ABCA13: variants seen among roughly 807,000 people sequenced by gnomAD.
ABCA13 encodes the protein ATP-binding cassette sub-family A member 13.
A neutral mutation model predicts 478.7 loss-of-function variants in ABCA13; 476 were observed. The observed-to-expected ratio is 0.99, with a 90% CI of 0.92 to 1.07. The LOEUF (loss-of-function observed/expected upper bound fraction) is 1.07, where lower values mean the gene tolerates loss of function less well. Ranked by LOEUF, ABCA13 falls within the 50% of genes least tolerant of loss-of-function variation. The probability of loss-of-function intolerance (pLI) is 0.00; values close to 1 mark genes in which losing one functional copy is unlikely to be tolerated. For synonymous variants in ABCA13, 2,252 were observed against 2,158.9 expected, an observed-to-expected ratio of 1.04 and a Z score of -1.20; for missense variants, 6,060 against 5,910.6, an observed-to-expected ratio of 1.03 and a Z score of -0.83.
At chr7:48,271,347 A>T in intron 16 of ABCA13, among the ~76,000 whole-genome samples, 1 of 68,722 alleles carries the variant, frequency 1.5e-5, no homozygotes, top group East Asian at 8.1e-3. Context: ...AGAGCACTGG[A>T]ATTTGCCTTC....
chr7:48,240,655 A>G (rs1466063666), intron 9 of ABCA13, among the ~76,000 whole-genome samples: 2 of 152,204 alleles, frequency 1.3e-5, no homozygotes, highest in African/African-American at 4.8e-5. Context: ...CAGAGATTAT[A>G]AAGTTGTGTG....
rs919090230 is a variant in ABCA13, at chr7:48,429,205, G to A, written c.12565+1334G>A. On this transcript the variant is annotated intron_variant, in intron 42 of 61. Transcript: ENST00000435803. ...CATTCACCAGTTGATGGGCATTTGG[G>A]GTTGTTTCCAGTTTTTTACTATTGC... 1.8e-4 allele frequency among the ~76,000 whole-genome samples: 27 copies of A among 152,156 alleles called. No individual in the cohort carries two copies. In the Middle Eastern group the frequency reaches 0.01, roughly 58 times the overall value.
At chr7:48,487,234 C>T (rs34449910) in intron 47 of ABCA13, among the ~76,000 whole-genome samples, 7,126 of 151,126 alleles carry the variant, frequency 0.047, 192 homozygotes, top group South Asian at 0.12. Flanking sequence ...TGCTTGAACT[C>T]GGGAGGCAGA....
chr7:48,583,760 A>G (rs1293597557), intron 56 of ABCA13, among the ~76,000 whole-genome samples: 1 of 152,240 alleles, frequency 6.6e-6, no homozygotes, highest in Non-Finnish European at 1.5e-5. Context: ...TTGCCAACTG[A>G]GATTGCTAAG....
intron 13 of ABCA13, among the ~76,000 whole-genome samples, chr7:48,248,021 T>C (rs1791960986): frequency 6.6e-6 from 1 of 152,190 alleles, no homozygotes; most frequent in African/African-American, 2.4e-5. Flanking sequence ...TACTTTATTA[T>C]TGGATTAAGT....
chr7:48,297,361 T>C (rs777136556), intron 22 of ABCA13, 50 bp downstream of exon 22: 1 of 1,458,198 alleles, frequency 6.9e-7, no homozygotes, highest in South Asian at 1.2e-5. Flanking sequence ...AAATTTAGTT[T>C]CTCATGCAAA....
intron 24 of ABCA13, among the ~76,000 whole-genome samples, chr7:48,311,053 GT>G (rs1801703969): frequency 6.6e-6 from 1 of 152,106 alleles, no homozygotes; most frequent in Admixed American, 6.5e-5. Flanking sequence ...AAGTACCATT[GT>G]TTTCCCTTTA....
chr7:48,313,105 C>G lies in ABCA13; in HGVS notation c.9555C>G (p.Ser3185=). The G allele has an allele frequency of 9.9e-6, 16 of 1,610,760 alleles. No homozygotes were observed. The highest frequency in any genetic ancestry group is 1.4e-5 in the Non-Finnish European group (16 of 1,178,552). ...CTGAAGCAAATGGCTTGCTCAACTC[C>G]TTGCTGGATATAGTTTCCAGCCTCA... ...MPSEANGLLN[S]LLDIVSSLSA... is the part of the protein sequence containing the mutation. The change falls in exon 25 of 62, where the codon TCC becomes TCG. Residue 3185 remains serine, a synonymous_variant. Transcript: ENST00000435803.
At chr7:48,321,546 C>A (rs562526887) in intron 27 of ABCA13, among the ~76,000 whole-genome samples, 1 of 152,278 alleles carries the variant, frequency 6.6e-6, no homozygotes, top group South Asian at 2.1e-4. Flanking sequence ...GTGGTCCTAG[C>A]AGTGTGGCTG....
intron 48 of ABCA13, among the ~76,000 whole-genome samples, chr7:48,491,681 C>T (rs1189421878): frequency 6.6e-6 from 1 of 152,152 alleles, no homozygotes; most frequent in African/African-American, 2.4e-5. Flanking sequence ...ATATACAATA[C>T]ATAGCACCAC....
At chr7:48,508,712 A>G (rs1317146435) in intron 50 of ABCA13, among the ~76,000 whole-genome samples, 4 of 152,158 alleles carry the variant, frequency 2.6e-5, no homozygotes, top group Admixed American at 6.5e-5. Context: ...CATATGATTC[A>G]TCTTGTGATA....
At chr7:48,362,460 A>C (rs1224541380) in intron 31 of ABCA13, among the ~76,000 whole-genome samples, 2 of 85,468 alleles carry the variant, frequency 2.3e-5, no homozygotes, top group Non-Finnish European at 4.7e-5. Flanking sequence ...GCTTGATATG[A>C]CTTTGCCCAT....
Position 48,272,220 on chromosome 7 carries a change from A to C in ABCA13, c.2554A>C (p.Asn852His), listed in dbSNP as rs1429560095. Reference sequence around the variant, plus strand: ...AAAAGGAAAAAGAGCTAAATTGGAAAACTTCTTTACACTTTTAAATTTTTC... The same window carrying C: ...AAAAGGAAAAAGAGCTAAATTGGAACACTTCTTTACACTTTTAAATTTTTC... ...ISKGKRAKLE[N>H]FFTLLNFSVP... is the part of the protein sequence containing the mutation. Residue 852 changes from asparagine (N) to histidine (H), a missense_variant, in exon 17 of 62, where the codon AAC becomes CAC. Asn to His is a moderately conservative substitution (Grantham distance 68). This residue lies in a region of ABCA13 where 4,423 missense variants were observed against 4,309.1 expected (regional missense o/e 1.03). Coordinates refer to ENST00000435803, the MANE Select transcript of ABCA13 (RefSeq NM_152701.5). 2 of 1,611,406 alleles carry C rather than the reference A, an allele frequency of 1.2e-6. No individual in the cohort carries two copies.
intron 55 of ABCA13, among the ~76,000 whole-genome samples, chr7:48,575,180 G>A (rs1187733598): frequency 1.3e-5 from 2 of 151,814 alleles, no homozygotes; most frequent in South Asian, 2.1e-4. Flanking sequence ...TGGCAATCTT[G>A]CTCTCTTTAG....
At chr7:48,565,343 A>T (rs1266368760) in intron 55 of ABCA13, among the ~76,000 whole-genome samples, 2 of 151,846 alleles carry the variant, frequency 1.3e-5, no homozygotes, top group Non-Finnish European at 2.9e-5. Flanking sequence ...ATGTAACTTA[A>T]TCAGATTTGT....
intron 41 of ABCA13, among the ~76,000 whole-genome samples, chr7:48,425,049 T>C (rs1821221789): frequency 6.6e-6 from 1 of 152,284 alleles, no homozygotes; most frequent in South Asian, 2.1e-4. Flanking sequence ...TTCAGACACA[T>C]TGTACCCAGA....
intron 45 of ABCA13, among the ~76,000 whole-genome samples, chr7:48,474,255 G>A (rs1223334775): frequency 1.3e-5 from 2 of 152,094 alleles, no homozygotes; most frequent in African/African-American, 4.8e-5. Context: ...AACCCCCAAA[G>A]AGGTGCAGAA....
intron 3 of ABCA13, among the ~76,000 whole-genome samples, chr7:48,203,209 C>A (rs1475710352): frequency 6.6e-6 from 1 of 151,478 alleles, no homozygotes; most frequent in Non-Finnish European, 1.5e-5. Context: ...GCTCCGAGTG[C>A]GGGCGGGGCC....
Position 48,611,645 on chromosome 7 carries a change from G to T in ABCA13, c.14745-3640G>T, listed in dbSNP as rs982067604. On this transcript the variant is annotated intron_variant, in intron 58 of 61. Transcript: ENST00000435803. ...ACTTTTAAACAAACAGATCTCACAA[G>T]AACTCACTATCATGAGAAAAGCAAG... is the stretch of plus-strand genomic sequence containing the variant. 6.6e-5 allele frequency among the ~76,000 whole-genome samples: 10 copies of T among 152,198 alleles called. No individual in the cohort carries two copies. In the East Asian group the frequency reaches 1.9e-3, roughly 30 times the overall value.
Sources: gnomAD v4.1 joint callset for allele counts (sites outside exome capture counted in the v4.1 genomes callset) on GRCh38, gnomAD v4.1.1 for gene constraint, gnomAD v4.1.1 regional missense constraint, MANE v1.5 for transcripts, NCBI Gene and HGNC (gene_info 2026-07-23, HGNC 2026-07-21) for gene names.